Variants in EPB41L3 observed in about 807,000 individuals in gnomAD.
The protein encoded by EPB41L3 is erythrocyte membrane protein band 4.1 like 3, also known as band 4.1-like protein 3.
EPB41L3 carries 57 observed loss-of-function variants against 127.1 expected under a neutral mutation model. The ratio of observed to expected loss-of-function variants is 0.45; its 90% CI spans 0.36 to 0.56. The LOEUF is 0.56. Ranked by LOEUF, EPB41L3 falls within the 20% of genes least tolerant of loss-of-function variation. The probability of loss-of-function intolerance (pLI) is 0.00; values close to 1 mark genes in which losing one functional copy is unlikely to be tolerated. For missense variants in EPB41L3, 1,273 were observed against 1,372.2 expected, an observed-to-expected ratio of 0.93 and a Z score of 1.14; for synonymous variants, 572 against 549.5, an observed-to-expected ratio of 1.04 and a Z score of -0.57.
rs201007636 is a variant in EPB41L3 at position 5,423,410 on chromosome 18, T to C, written c.1307A>G (p.Lys436Arg). 339 of 1,612,820 alleles carry C rather than the reference T, an allele frequency of 2.1e-4. 2 individuals carry two copies. The highest frequency in any genetic ancestry group is 1.6e-3 in the South Asian group (144 of 90,986). ...PAPYFERSSS[K>R]RYTMSRSLDG... ...CAAGCTGCGAGACATGGTATAACGT[T>C]TGCTGGATGAGCGTTCAAAGTAAGG... is the stretch of plus-strand genomic sequence containing the variant. Residue 436 changes from lysine to arginine, a missense_variant, in exon 11 of 23, where the codon AAA (lysine) becomes AGA (arginine). Physicochemically the swap from Lys to Arg is conservative, Grantham distance 26. Transcript: ENST00000341928.
At chr18:5,436,754 C>A (rs2079899838) in intron 6 of EPB41L3, among the ~76,000 whole-genome samples, 1 of 152,074 alleles carries the variant, frequency 6.6e-6, no homozygotes, top group Admixed American at 6.6e-5. Context: ...GGCTCTAAAA[C>A]CACAAATTAG....
intron 3 of EPB41L3, among the ~76,000 whole-genome samples, chr18:5,468,779 G>A (rs1448731520): frequency 6.6e-6 from 1 of 152,176 alleles, no homozygotes; most frequent in Non-Finnish European, 1.5e-5. Flanking sequence ...AGCCAGGCGT[G>A]GTGGCATGTG....
intron 3 of EPB41L3, among the ~76,000 whole-genome samples, chr18:5,470,645 T>G (rs986055543): frequency 6.6e-6 from 1 of 152,218 alleles, no homozygotes; most frequent in African/African-American, 2.4e-5. Flanking sequence ...TCAAACAGAC[T>G]TATGTCCGGA....
intron 3 of EPB41L3, among the ~76,000 whole-genome samples, chr18:5,454,786 G>T (rs1052957384): frequency 1.3e-5 from 2 of 152,160 alleles, no homozygotes; most frequent in African/African-American, 4.8e-5. Flanking sequence ...ACTACTTCCT[G>T]GTCTTGGTAA....
chr18:5,583,599 T>C (rs997152226), intron 3 of EPB41L3, among the ~76,000 whole-genome samples: 13 of 152,252 alleles, frequency 8.5e-5, no homozygotes, highest in African/African-American at 2.9e-4. Flanking sequence ...TAGCATGTAC[T>C]TTTCTGCAAA....
At chr18:5,420,171 ACT>A (rs2077298638) in intron 11 of EPB41L3, 2 of 479,862 alleles carry the variant, frequency 4.2e-6, no homozygotes, top group Non-Finnish European at 7.4e-6. Flanking sequence ...CTATCCTCAG[ACT>A]CTCTGCTGAG....
chr18:5,611,567 C>A (rs950011777), intron 3 of EPB41L3, among the ~76,000 whole-genome samples: 4 of 152,120 alleles, frequency 2.6e-5, no homozygotes, highest in African/African-American at 7.2e-5. Context: ...CTAATGAGGC[C>A]GAGACTATTT....
At chr18:5,600,991 T>C (rs1225568085) in intron 3 of EPB41L3, among the ~76,000 whole-genome samples, 1 of 152,144 alleles carries the variant, frequency 6.6e-6, no homozygotes, top group Non-Finnish European at 1.5e-5. Context: ...GCATTCCAGT[T>C]AGAGATACAT....
chr18:5,468,295 G>C (rs563343942), intron 3 of EPB41L3, among the ~76,000 whole-genome samples: 8 of 152,134 alleles, frequency 5.3e-5, no homozygotes, highest in African/African-American at 1.9e-4. Flanking sequence ...CTGGCAGAAA[G>C]GGGTGGGTCC....
intron 13 of EPB41L3, among the ~76,000 whole-genome samples, chr18:5,414,700 C>T (rs9960193): frequency 0.079 from 12,064 of 152,084 alleles, 934 homozygotes; most frequent in African/African-American, 0.2. Context: ...GGGAGGGGCG[C>T]GCATGACAGC....
chr18:5,530,140 T>C (rs2093364980), intron 1 of EPB41L3, among the ~76,000 whole-genome samples: 1 of 152,190 alleles, frequency 6.6e-6, no homozygotes, highest in Non-Finnish European at 1.5e-5. Context: ...ATAGTAACAT[T>C]AGCACCATTT....
chr18:5,470,535 C>G (rs1242289680), intron 3 of EPB41L3, among the ~76,000 whole-genome samples: 1 of 152,150 alleles, frequency 6.6e-6, no homozygotes, highest in Non-Finnish European at 1.5e-5. Flanking sequence ...GCTTATAATG[C>G]ACAAATTGAT....
chr18:5,418,641 T>C (rs1350519821), intron 12 of EPB41L3, among the ~76,000 whole-genome samples: 1 of 152,204 alleles, frequency 6.6e-6, no homozygotes, highest in African/African-American at 2.4e-5. Flanking sequence ...TTTCCTACTC[T>C]CTGCTTAATT....
chr18:5,493,026 G>A (rs2090773837), intron 1 of EPB41L3, among the ~76,000 whole-genome samples: 2 of 151,942 alleles, frequency 1.3e-5, no homozygotes, highest in South Asian at 2.1e-4. Flanking sequence ...ATGCATTTTG[G>A]GCTTTGTTCC....
At chr18:5,624,688 A>G (rs545855687) in intron 1 of EPB41L3, among the ~76,000 whole-genome samples, 1 of 152,326 alleles carries the variant, frequency 6.6e-6, no homozygotes, top group South Asian at 2.1e-4. Flanking sequence ...AGATGTCTCT[A>G]GACAGTCATC....
chr18:5,438,588 G>A (rs1371405586), intron 5 of EPB41L3, among the ~76,000 whole-genome samples: 3 of 152,150 alleles, frequency 2.0e-5, no homozygotes, highest in Non-Finnish European at 4.4e-5. Flanking sequence ...TTCAACATAC[G>A]TTTATTTTAT....
intron 3 of EPB41L3, among the ~76,000 whole-genome samples, chr18:5,561,071 A>G (rs9945164): frequency 0.054 from 7,559 of 139,978 alleles, 654 homozygotes; most frequent in South Asian, 0.12. Flanking sequence ...TCCGCCTCCC[A>G]GGTTCACGCC....
At chr18:5,566,734 A>ATTCTATTCTATTCTATTCTT (rs2094205395) in intron 3 of EPB41L3, among the ~76,000 whole-genome samples, 1 of 88,714 alleles carries the variant, frequency 1.1e-5, no homozygotes, top group African/African-American at 4.2e-5. Context: ...ATTCTATTCT[A>ATTCTATTCTATTCTATTCTT]TTCTATTCTA....
intron 1 of EPB41L3, among the ~76,000 whole-genome samples, chr18:5,536,990 T>C (rs2093594053): frequency 6.6e-6 from 1 of 152,250 alleles, no homozygotes; most frequent in African/African-American, 2.4e-5. Context: ...ATATACCAGA[T>C]ACTGTGCTCA....
Sources: gnomAD v4.1 joint callset for allele counts (sites outside exome capture counted in the v4.1 genomes callset) on GRCh38, gnomAD v4.1.1 for gene constraint, MANE v1.5 for transcripts, NCBI Gene and HGNC (gene_info 2026-07-23, HGNC 2026-07-21) for gene names.